The following DRD2 variants were observed in gnomAD, a reference collection of about 807,000 sequenced individuals.
DRD2 encodes the protein D(2) dopamine receptor.
A neutral mutation model predicts 38.0 loss-of-function variants in DRD2; 8 were observed. That is an observed-to-expected ratio of 0.21 (90% CI 0.12 to 0.38). The LOEUF (loss-of-function observed/expected upper bound fraction) is 0.38. DRD2 is among the 10% of genes least tolerant of loss of function. The pLI, the probability that DRD2 is intolerant of heterozygous loss-of-function variation, is 1.00. For missense variants in DRD2, 403 were observed against 607.7 expected (o/e 0.66, Z 3.54); for synonymous variants, 230 against 238.6 (o/e 0.96, Z 0.33).
rs947862645 is a variant in DRD2 at position 113,448,848 on chromosome 11, G to T, written c.-31-24166C>A. ...AGACCAGGCCCACAGACCCAGGCAG[G>T]ATGGAGGAGATGGGAGGGGTCAGCA... On this transcript the variant is annotated intron_variant, in intron 1 of 7. Coordinates refer to ENST00000362072, the MANE Select transcript of DRD2 (RefSeq NM_000795.4). Among the ~76,000 whole-genome samples the T allele has an allele frequency of 2.6e-5, 4 of 152,182 alleles. No homozygotes were observed. In the East Asian group the frequency reaches 7.7e-4, roughly 29 times the overall value.
intron 1 of DRD2, among the ~76,000 whole-genome samples, chr11:113,447,119 C>T (rs544123434): frequency 6.6e-6 from 1 of 152,288 alleles, no homozygotes; most frequent in East Asian, 1.9e-4. Context: ...AAGTCCAAAC[C>T]TGCCCACTTC....
chr11:113,428,698 C>T (rs556506388), intron 1 of DRD2, among the ~76,000 whole-genome samples: 1 of 152,314 alleles, frequency 6.6e-6, no homozygotes, highest in East Asian at 1.9e-4. Flanking sequence ...AATCATAGCT[C>T]ACTGCAGCCT....
chr11:113,436,302 C>T (rs1312330115), intron 1 of DRD2, among the ~76,000 whole-genome samples: 3 of 151,986 alleles, frequency 2.0e-5, no homozygotes, highest in African/African-American at 7.3e-5. Flanking sequence ...CCAGTTTCTT[C>T]CAAAAATAAA....
At chr11:113,470,623 T>A (rs1220987157) in intron 1 of DRD2, among the ~76,000 whole-genome samples, 1 of 152,202 alleles carries the variant, frequency 6.6e-6, no homozygotes, top group Non-Finnish European at 1.5e-5. Flanking sequence ...GACATCAGAT[T>A]ATGACAAAAT....
chr11:113,424,799 G>T, intron 1 of DRD2, 117 bp from the exon 2 acceptor site: 2 of 1,046,020 alleles, frequency 1.9e-6, no homozygotes, highest in Non-Finnish European at 2.7e-6. Flanking sequence ...GGATTTTAAG[G>T]TTTACGGCTA....
At chr11:113,455,840 A>C (rs771453382) in intron 1 of DRD2, among the ~76,000 whole-genome samples, 3 of 152,242 alleles carry the variant, frequency 2.0e-5, no homozygotes, top group Non-Finnish European at 4.4e-5. Context: ...CGTTGGTGGA[A>C]ATATAAATTA....
At position 113,418,780 on chromosome 11, in the gene DRD2, A is replaced by G. The variant is rs982723116; in HGVS notation, c.286-644T>C. On this transcript the variant is annotated intron_variant, in intron 2 of 7. Coordinates refer to ENST00000362072, the MANE Select transcript of DRD2 (RefSeq NM_000795.4). ...CCTGCCAGGATGTTGAGACTAGCCA[A>G]CCCTAGGTTGCTTAATCTGCCCTGC... Among the ~76,000 whole-genome samples the G allele has an allele frequency of 9.9e-5, 15 of 152,172 alleles. No individual in the cohort carries two copies. The East Asian group carries it at 2.7e-3, about 28-fold the overall frequency.
At chr11:113,472,506 G>T (rs1207199627) in intron 1 of DRD2, among the ~76,000 whole-genome samples, 1 of 152,262 alleles carries the variant, frequency 6.6e-6, no homozygotes, top group East Asian at 1.9e-4. Flanking sequence ...GCATTTTCTA[G>T]ACAGAAATAA....
chr11:113,457,108 A>G (rs1007828044), intron 1 of DRD2, among the ~76,000 whole-genome samples: 2 of 152,128 alleles, frequency 1.3e-5, no homozygotes, highest in African/African-American at 4.8e-5. Context: ...AGGCAATGGG[A>G]GAGACAGATG....
intron 1 of DRD2, among the ~76,000 whole-genome samples, chr11:113,443,867 A>T (rs1161117675): frequency 6.6e-6 from 1 of 152,212 alleles, no homozygotes; most frequent in Non-Finnish European, 1.5e-5. Flanking sequence ...ATAACTGAAA[A>T]TTCTTAAAAT....
At chr11:113,443,165 G>GTC (rs1328037938) in intron 1 of DRD2, among the ~76,000 whole-genome samples, 3 of 152,054 alleles carry the variant, frequency 2.0e-5, no homozygotes, top group Non-Finnish European at 4.4e-5. Context: ...AGGCTCAGTG[G>GTC]TCTCAGCCTC....
intron 7 of DRD2, 146 bp downstream of exon 7, chr11:113,412,410 A>T: frequency 2.0e-6 from 2 of 991,348 alleles, no homozygotes; most frequent in Non-Finnish European, 3.0e-6. Context: ...GAATCTACCT[A>T]ATAGGGCTGT....
chr11:113,423,283 A>T lies in DRD2; in HGVS notation c.285+1084T>A, dbSNP rs964979516. Among the ~76,000 whole-genome samples the T allele has an allele frequency of 4.6e-4, 69 of 150,352 alleles. 1 individual carries two copies. The highest frequency in any genetic ancestry group is 1.6e-3 in the African/African-American group (65 of 40,722). ...TTTGTTTTTGTTTTAATTTAATTTT[A>T]TTTTTTTTTTGAGACAGAGTCTTGC... On this transcript the variant is annotated intron_variant, in intron 2 of 7. Transcript: ENST00000362072.
At chr11:113,437,653 C>G (rs1481676454) in intron 1 of DRD2, among the ~76,000 whole-genome samples, 1 of 151,896 alleles carries the variant, frequency 6.6e-6, no homozygotes, top group Non-Finnish European at 1.5e-5. Context: ...CGCTGGAGTC[C>G]AGGTGGAGCC....
At chr11:113,428,039 C>T (rs1026124705) in intron 1 of DRD2, among the ~76,000 whole-genome samples, 6 of 152,146 alleles carry the variant, frequency 3.9e-5, no homozygotes, top group African/African-American at 7.2e-5. Flanking sequence ...TAAGCAAAAT[C>T]AGCCCTGTTG....
chr11:113,415,144 C>T (rs1950813078), intron 5 of DRD2: 2 of 384,782 alleles, frequency 5.2e-6, no homozygotes, highest in Admixed American at 8.4e-5. Context: ...ACGGGGGTAC[C>T]AAGCAAGAGT....
At chr11:113,465,365 G>A (rs1951358184) in intron 1 of DRD2, among the ~76,000 whole-genome samples, 2 of 152,170 alleles carry the variant, frequency 1.3e-5, no homozygotes, top group South Asian at 4.1e-4. Context: ...AAAATGCTGG[G>A]ATTACAGGCA....
chr11:113,474,684 C>A (rs10789944), intron 1 of DRD2, among the ~76,000 whole-genome samples: 26,054 of 151,888 alleles, frequency 0.17, 2,570 homozygotes, highest in East Asian at 0.39. Context: ...CCGGGTCTCG[C>A]GCTTGGGTGC....
chr11:113,462,269 G>A (rs748218672), intron 1 of DRD2, among the ~76,000 whole-genome samples: 1 of 152,168 alleles, frequency 6.6e-6, no homozygotes, highest in Non-Finnish European at 1.5e-5. Context: ...CAGGAGTAAA[G>A]AGTGTTCCCC....
Sources: gnomAD v4.1 joint callset for allele counts (sites outside exome capture counted in the v4.1 genomes callset) on GRCh38, gnomAD v4.1.1 for gene constraint, MANE v1.5 for transcripts, NCBI Gene and HGNC (gene_info 2026-07-23, HGNC 2026-07-21) for gene names.